Variants in SMYD3 observed in about 807,000 individuals in gnomAD.
SMYD3 encodes the protein histone-lysine N-methyltransferase SMYD3.
SMYD3 carries 36 observed loss-of-function variants against 57.7 expected under a neutral mutation model. The observed-to-expected ratio is 0.62, with a 90% CI of 0.48 to 0.82. SMYD3 has a LOEUF of 0.82. Among genes scored for constraint, SMYD3 ranks in the 40% least tolerant of loss-of-function variants. The pLI, the probability that SMYD3 is intolerant of heterozygous loss-of-function variation, is 0.00. For synonymous variants in SMYD3, 211 were observed against 195.0 expected, an observed-to-expected ratio of 1.08 and a Z score of -0.68; for missense variants, 515 against 538.8, an observed-to-expected ratio of 0.96 and a Z score of 0.44.
At chr1:246,373,089 G>GT (rs1296063228) in intron 1 of SMYD3, among the ~76,000 whole-genome samples, 2 of 151,962 alleles carry the variant, frequency 1.3e-5, no homozygotes, top group East Asian at 3.9e-4. Context: ...GTAAAATTAA[G>GT]TTTTTTCAAT....
chr1:245,929,757 C>A, intron 6 of SMYD3, 113 bp downstream of exon 6: 1 of 823,292 alleles, frequency 1.2e-6, no homozygotes, highest in Non-Finnish European at 2.1e-6. Context: ...AAGTTTTAAG[C>A]TTGGCTCTTG....
chr1:246,405,084 T>TGGGA (rs1404018355), intron 1 of SMYD3, among the ~76,000 whole-genome samples: 1 of 152,094 alleles, frequency 6.6e-6, no homozygotes, highest in Non-Finnish European at 1.5e-5. Context: ...CCCAAGTAGC[T>TGGGA]GGGACTACAG....
At chr1:245,944,474 C>T (rs540882837) in intron 5 of SMYD3, among the ~76,000 whole-genome samples, 19 of 152,134 alleles carry the variant, frequency 1.2e-4, no homozygotes, top group African/African-American at 2.9e-4. Context: ...GATAAACCTC[C>T]GCTCAAGAAA....
intron 8 of SMYD3, among the ~76,000 whole-genome samples, chr1:245,910,692 C>T (rs529258809): frequency 2.8e-4 from 42 of 151,756 alleles, no homozygotes; most frequent in African/African-American, 1.0e-3. Context: ...ATCTAGATAG[C>T]CCATATGCAA....
chr1:245,830,923 C>CT (rs773006420), intron 10 of SMYD3, among the ~76,000 whole-genome samples: 8 of 152,298 alleles, frequency 5.3e-5, no homozygotes, highest in Non-Finnish European at 7.4e-5. Context: ...GACATAGATT[C>CT]TTGGTGGGTG....
intron 5 of SMYD3, among the ~76,000 whole-genome samples, chr1:246,286,288 C>T (rs1239295266): frequency 2.0e-5 from 3 of 152,080 alleles, no homozygotes; most frequent in Admixed American, 6.5e-5. Flanking sequence ...TTTTAAGTTC[C>T]AGGATACATG....
chr1:246,459,918 CA>C (rs35958617), intron 1 of SMYD3, among the ~76,000 whole-genome samples: 1,664 of 88,870 alleles, frequency 0.019, 22 homozygotes, highest in African/African-American at 0.058. Flanking sequence ...TTCCGCCACC[CA>C]AAAAAAAAAA....
At chr1:246,496,104 T>G (rs1374593889) in intron 1 of SMYD3, among the ~76,000 whole-genome samples, 3 of 151,916 alleles carry the variant, frequency 2.0e-5, no homozygotes, top group Non-Finnish European at 4.4e-5. Flanking sequence ...TGGCATGATC[T>G]CAACTCCCCG....
rs778094212 is a variant in SMYD3, at chr1:245,959,257, C to T, written c.532-29320G>A. ...GATTACAGGCATGAGCCACCATGCC[C>T]GGCCAAGAGCTCTTTACACTAAGTG... On this transcript the variant is annotated intron_variant, in intron 5 of 11. Transcript: ENST00000490107. 3.9e-5 allele frequency among the ~76,000 whole-genome samples: 6 copies of T among 152,234 alleles called. 1 individual carries two copies. Among genetic ancestry groups the T allele is most frequent in the Middle Eastern group, 6.8e-3 (2 of 294 alleles).
chr1:246,353,048 A>G (rs1334105926), intron 2 of SMYD3, among the ~76,000 whole-genome samples: 1 of 152,182 alleles, frequency 6.6e-6, no homozygotes, highest in Admixed American at 6.5e-5. Flanking sequence ...ACCATAAACC[A>G]AGCTTTCTGG....
intron 1 of SMYD3, among the ~76,000 whole-genome samples, chr1:246,495,161 AAC>A (rs2068338379): frequency 2.0e-5 from 3 of 152,126 alleles, no homozygotes; most frequent in South Asian, 4.1e-4. Flanking sequence ...CATCCTGGCT[AAC>A]ACGGTGAAAC....
chr1:246,012,554 G>A (rs984739768), intron 5 of SMYD3, among the ~76,000 whole-genome samples: 1 of 152,256 alleles, frequency 6.6e-6, no homozygotes, highest in Middle Eastern at 3.4e-3. Flanking sequence ...CGCCTCTATC[G>A]ACAGCGTGTG....
At chr1:246,375,912 T>G (rs1004444175) in intron 1 of SMYD3, among the ~76,000 whole-genome samples, 2 of 151,982 alleles carry the variant, frequency 1.3e-5, no homozygotes, top group African/African-American at 4.8e-5. Context: ...GTATTTTTAG[T>G]AGAGACGGGG....
At position 245,821,325 on chromosome 1, in the gene SMYD3, C is replaced by T. The variant is rs377052872; in HGVS notation, c.1076+37171G>A. Among the ~76,000 whole-genome samples the T allele has an allele frequency of 4.6e-4, 69 of 150,556 alleles. 2 individuals carry two copies. Among genetic ancestry groups the T allele is most frequent in the Non-Finnish European group, 8.9e-4 (60 of 67,428 alleles). On this transcript the variant is annotated intron_variant, in intron 10 of 11. Transcript: ENST00000490107. ...ATTCCCTATTTAATAAATGGTGCTG[C>T]GAAAACTGGCTAGCCATATGTAGAA...
At chr1:246,283,907 G>A (rs1297046432) in intron 5 of SMYD3, among the ~76,000 whole-genome samples, 1 of 152,134 alleles carries the variant, frequency 6.6e-6, no homozygotes, top group Non-Finnish European at 1.5e-5. Context: ...CCTAATAACT[G>A]ATTTCAAAAT....
At chr1:246,394,516 T>C (rs1176138529) in intron 1 of SMYD3, among the ~76,000 whole-genome samples, 2 of 152,232 alleles carry the variant, frequency 1.3e-5, no homozygotes, top group Non-Finnish European at 2.9e-5. Flanking sequence ...CTGCTTTGGA[T>C]TTCACTGGAA....
intron 1 of SMYD3, among the ~76,000 whole-genome samples, chr1:246,462,870 G>C (rs1449473772): frequency 6.6e-6 from 1 of 151,984 alleles, no homozygotes; most frequent in East Asian, 1.9e-4. Context: ...TTTTAATTGA[G>C]TAGAAAAAAA....
intron 5 of SMYD3, among the ~76,000 whole-genome samples, chr1:246,222,090 A>C (rs2063264562): frequency 1.3e-5 from 2 of 152,246 alleles, no homozygotes; most frequent in African/African-American, 4.8e-5. Context: ...GAAGGGTGTA[A>C]AACTCATTCT....
At chr1:246,380,873 T>C (rs771168442) in intron 1 of SMYD3, among the ~76,000 whole-genome samples, 2 of 152,178 alleles carry the variant, frequency 1.3e-5, no homozygotes, top group Admixed American at 6.5e-5. Flanking sequence ...TCCTAGGCTA[T>C]GGCCATGGGA....
Sources: allele counts gnomAD v4.1 joint callset (sites outside exome capture counted in the v4.1 genomes callset), GRCh38; gene constraint gnomAD v4.1.1; transcripts MANE v1.5; gene names NCBI Gene and HGNC (gene_info 2026-07-23, HGNC 2026-07-21).